Variants in PHAX observed in about 807,000 individuals in gnomAD.
The protein encoded by PHAX is phosphorylated adaptor for RNA export.
PHAX carries 31 observed loss-of-function variants against 41.6 expected under a neutral mutation model. The observed-to-expected ratio is 0.75, with a 90% confidence interval of 0.56 to 1.01. The LOEUF (loss-of-function observed/expected upper bound fraction) is 1.01, where lower values mean the gene tolerates loss of function less well. PHAX is among the 50% of genes least tolerant of loss of function. PHAX has a pLI of 0.00. For synonymous variants in PHAX, 175 were observed against 164.9 expected, an observed-to-expected ratio of 1.06 and a Z score of -0.47; for missense variants, 453 against 472.9, an observed-to-expected ratio of 0.96 and a Z score of 0.39.
intron 4 of PHAX, among the ~76,000 whole-genome samples, chr5:126,620,572 C>G (rs1287660736): frequency 6.6e-6 from 1 of 152,158 alleles, no homozygotes; most frequent in Non-Finnish European, 1.5e-5. Context: ...GTTATTTTCA[C>G]TGTATTATGT....
At chr5:126,623,199 G>A (rs1752297941) in intron 4 of PHAX, among the ~76,000 whole-genome samples, 1 of 152,058 alleles carries the variant, frequency 6.6e-6, no homozygotes, top group East Asian at 1.9e-4. Flanking sequence ...GAGGCGGGAG[G>A]ATTGCTTTAG....
At chr5:126,607,456 T>C (rs1039731304) in intron 2 of PHAX, among the ~76,000 whole-genome samples, 6 of 143,930 alleles carry the variant, frequency 4.2e-5, no homozygotes, top group African/African-American at 1.6e-4. Context: ...TGGAGTGCAG[T>C]GGTGCCATCT....
intron 1 of PHAX, among the ~76,000 whole-genome samples, chr5:126,602,424 A>G (rs546913505): frequency 1.2e-4 from 18 of 152,328 alleles, no homozygotes; most frequent in African/African-American, 3.4e-4. Context: ...AATTGGCATG[A>G]TGTACCACTG....
chr5:126,606,984 C>A (rs1752000146), intron 2 of PHAX, among the ~76,000 whole-genome samples: 5 of 152,040 alleles, frequency 3.3e-5, no homozygotes, highest in Admixed American at 2.6e-4. Flanking sequence ...AGGTAAATAC[C>A]CAGAAGTAGA....
chr5:126,609,202 G>C (rs1355738520), intron 3 of PHAX, among the ~76,000 whole-genome samples: 1 of 143,682 alleles, frequency 7.0e-6, no homozygotes. Flanking sequence ...CCGAGTTCAA[G>C]CAATTCTCCT....
rs764331955 is a variant in PHAX at position 126,603,723 on chromosome 5, C to T, written c.250C>T (p.Arg84Ter). 20 of 1,613,940 alleles carry T rather than the reference C, an allele frequency of 1.2e-5. No individual in the cohort carries two copies. Among genetic ancestry groups the T allele is most frequent in the Non-Finnish European group, 1.6e-5 (19 of 1,180,030 alleles). Reference sequence around the variant, plus strand: ...TGATAGCTGTCTTTGGAAACGCAAACGACAGAAATGTTTTAACCCTCCTCC... The same window carrying T: ...TGATAGCTGTCTTTGGAAACGCAAATGACAGAAATGTTTTAACCCTCCTCC... ...DDDSCLWKRKRQKCFNPPPKP... is the reference protein window; with the variant it reads ...DDDSCLWKRK The change falls in exon 2 of 5, where the codon CGA becomes TGA. Residue 84 changes from arginine (R) to a stop codon, truncating the protein, a stop_gained. Coordinates refer to ENST00000297540, the MANE Select transcript of PHAX (RefSeq NM_032177.4). LOFTEE classifies it high-confidence loss of function.
Position 126,604,077 on chromosome 5 carries a change from C to G in PHAX, c.604C>G (p.Pro202Ala), listed in dbSNP as rs1561678506. The G allele has an allele frequency of 1.2e-5, 20 of 1,613,550 alleles. No individual in the cohort carries two copies. Among genetic ancestry groups the G allele is most frequent in the Non-Finnish European group, 1.7e-5 (20 of 1,179,974 alleles). The change falls in exon 2 of 5, where the codon CCT (proline) becomes GCT (alanine). Residue 202 changes from proline (P) to alanine (A), a missense_variant. Transcript: ENST00000297540. ...NGQGHLKRKR[P>A]VKDRLGNRPE... ...GCAAGGTCATCTCAAAAGGAAACGA[C>G]CTGTCAAAGACAGGCTAGGGAACAG... is the stretch of plus-strand genomic sequence containing the variant.
intron 1 of PHAX, 152 bp from the exon 2 acceptor site, chr5:126,603,418 C>T (rs983450678): frequency 4.6e-5 from 37 of 803,978 alleles, no homozygotes; most frequent in Non-Finnish European, 7.1e-5. Context: ...CCATGTGGAA[C>T]TTAGAAAAGT....
chr5:126,603,180 T>C (rs1751931010), intron 1 of PHAX, among the ~76,000 whole-genome samples: 2 of 150,754 alleles, frequency 1.3e-5, no homozygotes, highest in African/African-American at 4.9e-5. Context: ...TGGTGAGCCA[T>C]GATAGCTCCA....
intron 3 of PHAX, among the ~76,000 whole-genome samples, chr5:126,608,893 C>G (rs1195362096): frequency 6.6e-6 from 1 of 150,462 alleles, no homozygotes; most frequent in Non-Finnish European, 1.5e-5. Context: ...GCTGAGATCG[C>G]ACCCTTGCAC....
Position 126,601,073 on chromosome 5 carries a change from A to T in PHAX, c.96+15A>T. On this transcript the variant is annotated intron_variant, in intron 1 of 4. Coordinates refer to ENST00000297540, the MANE Select transcript of PHAX (RefSeq NM_032177.4). Reference sequence around the variant, plus strand: ...TGCAATTGCCAGTGAGTGTGAAAGGAGGGTGGGTGATCGTGGCTGGGCGCG... The same window carrying T: ...TGCAATTGCCAGTGAGTGTGAAAGGTGGGTGGGTGATCGTGGCTGGGCGCG... 1 of 1,579,032 alleles carries T rather than the reference A, an allele frequency of 6.3e-7. No individual in the cohort carries two copies. Among genetic ancestry groups the T allele is most frequent in the Non-Finnish European group, 8.6e-7 (1 of 1,156,590 alleles).
chr5:126,602,898 C>G (rs13157915), intron 1 of PHAX, among the ~76,000 whole-genome samples: 67,471 of 151,418 alleles, frequency 0.45, 19,996 homozygotes, highest in African/African-American at 0.84. Context: ...CCAGCTACTC[C>G]GGAGGCTGAG....
chr5:126,623,054 A>C (rs537666288), intron 4 of PHAX, among the ~76,000 whole-genome samples: 1 of 152,158 alleles, frequency 6.6e-6, no homozygotes, highest in South Asian at 2.1e-4. Context: ...TGAACCCTGG[A>C]AATGGAGATT....
chr5:126,613,525 A>G (rs976711773), intron 3 of PHAX, among the ~76,000 whole-genome samples: 1 of 152,004 alleles, frequency 6.6e-6, no homozygotes, highest in Non-Finnish European at 1.5e-5. Context: ...AAAAAATACA[A>G]AAATTAGCTG....
At chr5:126,606,237 C>G (rs1438423246) in intron 2 of PHAX, among the ~76,000 whole-genome samples, 1 of 152,052 alleles carries the variant, frequency 6.6e-6, no homozygotes, top group Non-Finnish European at 1.5e-5. Context: ...ACTCTGTTGC[C>G]CAGGCTGGAG....
At position 126,626,096 on chromosome 5, in the gene PHAX, C is replaced by G. The variant is rs1466083313; in HGVS notation, c.*1252C>G. 1 of 152,048 alleles carries G rather than the reference C, an allele frequency of 6.6e-6. No individual in the cohort carries two copies. Among genetic ancestry groups the G allele is most frequent in the Non-Finnish European group, 1.5e-5 (1 of 68,036 alleles). The allele number at this position is 152,048 out of a possible 1,614,324, so 9.4% of individuals were successfully genotyped here. ...TTACCACATGCATTAAAAAATTTTT[C>G]AAGCTGGGCCTAGTGGCGCACACCT... On this transcript the variant is annotated 3_prime_UTR_variant, in exon 5 of 5. Transcript: ENST00000297540.
intron 3 of PHAX, among the ~76,000 whole-genome samples, chr5:126,609,298 A>G (rs1752042089): frequency 2.0e-5 from 3 of 151,580 alleles, no homozygotes; most frequent in Admixed American, 1.3e-4. Flanking sequence ...ACGGGGTTTC[A>G]CCATGTTGCC....
intron 4 of PHAX, 32 bp downstream of exon 4, chr5:126,617,365 A>G (rs773431331): frequency 7.4e-7 from 1 of 1,357,692 alleles, no homozygotes. Context: ...CTTAAGCGCC[A>G]TCATAATTTG....
intron 3 of PHAX, 27 bp from the exon 4 acceptor site, chr5:126,617,223 G>T: frequency 6.8e-7 from 1 of 1,481,372 alleles, no homozygotes. Flanking sequence ...AGTATATGCA[G>T]TTTACCTTTT....
Sources: gnomAD v4.1 joint callset for allele counts (sites outside exome capture counted in the v4.1 genomes callset) on GRCh38, gnomAD v4.1.1 for gene constraint, MANE v1.5 for transcripts, NCBI Gene and HGNC (gene_info 2026-07-23, HGNC 2026-07-21) for gene names.